PPP4R2: variants seen among roughly 807,000 people sequenced by gnomAD.
PPP4R2 encodes protein phosphatase 4 regulatory subunit 2, also known as serine/threonine-protein phosphatase 4 regulatory subunit 2.
Under a neutral mutation model 47.2 loss-of-function variants are expected in PPP4R2, and 13 were observed. That is an observed-to-expected ratio of 0.28 (90% CI 0.18 to 0.44). The LOEUF (loss-of-function observed/expected upper bound fraction) is 0.44, where lower values mean the gene tolerates loss of function less well. PPP4R2 is among the 20% of genes least tolerant of loss of function. The probability of loss-of-function intolerance (pLI) is 1.00; values close to 1 mark genes in which losing one functional copy is unlikely to be tolerated. For synonymous variants in PPP4R2, 151 were observed against 163.3 expected, an observed-to-expected ratio of 0.92 and a Z score of 0.57; for missense variants, 421 against 491.2, an observed-to-expected ratio of 0.86 and a Z score of 1.35.
At chr3:73,009,419 C>A (rs1294048032) in intron 2 of PPP4R2, among the ~76,000 whole-genome samples, 1 of 152,170 alleles carries the variant, frequency 6.6e-6, no homozygotes, top group South Asian at 2.1e-4. Flanking sequence ...CTACTAAACT[C>A]TTTAAAGTCA....
At chr3:73,055,731 G>A (rs1702719576) in intron 3 of PPP4R2, among the ~76,000 whole-genome samples, 1 of 149,046 alleles carries the variant, frequency 6.7e-6, no homozygotes, top group South Asian at 2.1e-4. Flanking sequence ...GCTCAATCTC[G>A]ACTCACTGCA....
At chr3:73,029,386 G>A (rs1395189568) in intron 2 of PPP4R2, among the ~76,000 whole-genome samples, 1 of 152,166 alleles carries the variant, frequency 6.6e-6, no homozygotes, top group Admixed American at 6.5e-5. Context: ...AGATGTTTGT[G>A]GTTTGAATTA....
chr3:73,060,909 A>G (rs1041946354), intron 4 of PPP4R2, 114 bp from the exon 5 acceptor site: 1 of 629,438 alleles, frequency 1.6e-6, no homozygotes, highest in Non-Finnish European at 2.6e-6. Context: ...TTTACTAGCA[A>G]AATTAGAATC....
rs1028608626 is a variant in PPP4R2, at chr3:73,000,762, G to A, written c.116+2604G>A. ...CACTTCAAAAAATTGTTTTTATGTT[G>A]GAAAGAATACACTCTTCTGAAGGTA... On this transcript the variant is annotated intron_variant, in intron 2 of 8. Transcript: ENST00000356692. Among the ~76,000 whole-genome samples the A allele has an allele frequency of 2.6e-5, 4 of 152,154 alleles. No homozygotes were observed. The South Asian group carries it at 8.3e-4, about 32-fold the overall frequency.
At chr3:73,029,156 G>A (rs1489654923) in intron 2 of PPP4R2, among the ~76,000 whole-genome samples, 1 of 152,096 alleles carries the variant, frequency 6.6e-6, no homozygotes, top group South Asian at 2.1e-4. Context: ...GCCCAGGCTG[G>A]TTTTGAACCC....
Position 72,996,965 on chromosome 3 carries a change from G to C in PPP4R2, c.-73G>C. ...CGAGGGAGGGGGAGGGCGTCGGGGGGGTGGGGGGAGGCGTTCCGGTCCCCA... is the reference window on the plus strand; with the variant it reads ...CGAGGGAGGGGGAGGGCGTCGGGGGCGTGGGGGGAGGCGTTCCGGTCCCCA... On this transcript the variant is annotated 5_prime_UTR_variant, in exon 1 of 9. Coordinates refer to ENST00000356692, the MANE Select transcript of PPP4R2 (RefSeq NM_174907.4). 2 of 1,183,274 alleles carry C rather than the reference G, an allele frequency of 1.7e-6. No individual in the cohort carries two copies. The highest frequency in any genetic ancestry group is 1.1e-6 in the Non-Finnish European group (1 of 905,664). 73.3% of individuals were successfully genotyped at this position (1,183,274 alleles called of 1,614,324 possible).
At chr3:73,017,033 C>T (rs1019759805) in intron 2 of PPP4R2, among the ~76,000 whole-genome samples, 6 of 151,854 alleles carry the variant, frequency 4.0e-5, no homozygotes, top group African/African-American at 1.2e-4. Context: ...TGTCATGTTG[C>T]CCAGGCTGGT....
At chr3:72,997,102 C>G (rs1050828573) in intron 1 of PPP4R2, 31 bp downstream of exon 1, 18 of 1,339,122 alleles carry the variant, frequency 1.3e-5, no homozygotes, top group South Asian at 3.9e-5. Context: ...TCCATTCCCC[C>G]TCACCTTCTC....
chr3:73,055,331 T>C (rs1421594529), intron 3 of PPP4R2, among the ~76,000 whole-genome samples: 1 of 152,050 alleles, frequency 6.6e-6, no homozygotes, highest in Non-Finnish European at 1.5e-5. Context: ...AGTGTACTTG[T>C]AGAACCCTTG....
At chr3:73,041,627 G>A (rs188963530) in intron 2 of PPP4R2, among the ~76,000 whole-genome samples, 10 of 152,260 alleles carry the variant, frequency 6.6e-5, no homozygotes, top group Admixed American at 1.3e-4. Context: ...TGCAGTATTT[G>A]CTATCCTTTG....
At chr3:73,018,499 G>A (rs1427058345) in intron 2 of PPP4R2, among the ~76,000 whole-genome samples, 2 of 81,126 alleles carry the variant, frequency 2.5e-5, no homozygotes, top group Non-Finnish European at 5.8e-5. Context: ...TGTTGCCCAG[G>A]CTGGAGTGCA....
chr3:73,029,058 T>C (rs1702122406), intron 2 of PPP4R2, among the ~76,000 whole-genome samples: 1 of 152,162 alleles, frequency 6.6e-6, no homozygotes, highest in Admixed American at 6.5e-5. Context: ...CAGTCCTCCT[T>C]CCTCAGTCTC....
At chr3:73,028,648 C>G (rs72889050) in intron 2 of PPP4R2, among the ~76,000 whole-genome samples, 19,713 of 151,970 alleles carry the variant, frequency 0.13, 1,554 homozygotes, top group East Asian at 0.36. Flanking sequence ...ACCATGTTGA[C>G]CAGGATGGTT....
intron 2 of PPP4R2, among the ~76,000 whole-genome samples, chr3:73,005,704 T>C (rs1233609452): frequency 6.6e-6 from 1 of 151,840 alleles, no homozygotes; most frequent in Non-Finnish European, 1.5e-5. Context: ...CAAAATTTGC[T>C]GGGTGCGGTG....
Position 73,069,022 on chromosome 3 carries a change from G to A in PPP4R2, c.*3300G>A, listed in dbSNP as rs977593239. The A allele has an allele frequency of 2.0e-4, 30 of 152,220 alleles. No homozygotes were observed. Among genetic ancestry groups the A allele is most frequent in the African/African-American group, 7.2e-4 (30 of 41,530 alleles). 9.4% of individuals were successfully genotyped at this position (152,220 alleles called of 1,614,324 possible). On this transcript the variant is annotated 3_prime_UTR_variant, in exon 9 of 9. Transcript: ENST00000356692. ...TTTCATATGGAATTATAAAAATTAGGTTTGCTGGGTTTTGGCCTAATAAGA... is the reference window on the plus strand; with the variant it reads ...TTTCATATGGAATTATAAAAATTAGATTTGCTGGGTTTTGGCCTAATAAGA...
intron 2 of PPP4R2, among the ~76,000 whole-genome samples, chr3:72,998,876 TTCTTTTTGTAG>T (rs1701405707): frequency 6.6e-6 from 1 of 151,648 alleles, no homozygotes. Context: ...CTTTGATGAC[TTCTTTTTGTAG>T]TCTTTGGGTG....
rs1330999403 is a variant in PPP4R2 at position 73,018,543 on chromosome 3, A to C, written c.116+20385A>C. ...TCCATGGCTCATGGCAGCCTCAACC[A>C]CCCGGGCACAAGCAGTTCTCCCACC... On this transcript the variant is annotated intron_variant, in intron 2 of 8. Coordinates refer to ENST00000356692, the MANE Select transcript of PPP4R2 (RefSeq NM_174907.4). Among the ~76,000 whole-genome samples the C allele has an allele frequency of 4.0e-5, 5 of 126,286 alleles. No homozygotes were observed. In the East Asian group the frequency reaches 7.9e-4, roughly 20 times the overall value. The allele number at this position is 126,286 out of a possible 152,430, so 82.8% of individuals were successfully genotyped here. A position where few individuals can be genotyped will look rare whatever the true frequency, so the allele number is the denominator to read the frequency against.
chr3:73,002,718 TACA>T (rs1269249815), intron 2 of PPP4R2, among the ~76,000 whole-genome samples: 2 of 145,068 alleles, frequency 1.4e-5, no homozygotes, highest in Non-Finnish European at 3.0e-5. Flanking sequence ...CTCGGCTCGC[TACA>T]ACCTCTGCCT....
rs557977715 is a variant in PPP4R2, at chr3:73,002,719, A to C, written c.116+4561A>C. On this transcript the variant is annotated intron_variant, in intron 2 of 8. Transcript: ENST00000356692. ...TGCAGTGGCGCGATCTCGGCTCGCT[A>C]CAACCTCTGCCTCCTGGGTTCAAGC... is the stretch of plus-strand genomic sequence containing the variant. 2.2e-5 allele frequency among the ~76,000 whole-genome samples: 3 copies of C among 137,780 alleles called. No homozygotes were observed. In the South Asian group the frequency reaches 6.6e-4, roughly 30 times the overall value. 90.4% of individuals were successfully genotyped at this position (137,780 alleles called of 152,430 possible).
Sources: gnomAD v4.1 joint callset for allele counts (sites outside exome capture counted in the v4.1 genomes callset) on GRCh38, gnomAD v4.1.1 for gene constraint, MANE v1.5 for transcripts, NCBI Gene and HGNC (gene_info 2026-07-23, HGNC 2026-07-21) for gene names.